ALG6: variants seen among roughly 807,000 people sequenced by gnomAD.
ALG6 encodes the protein ALG6 alpha-1,3-glucosyltransferase.
A neutral mutation model predicts 66.6 loss-of-function variants in ALG6; 46 were observed. That is an observed-to-expected ratio of 0.69 (90% confidence interval 0.55 to 0.88). ALG6 has a LOEUF of 0.88. Among genes scored for constraint, ALG6 ranks in the 40% least tolerant of loss-of-function variants. ALG6 has a pLI of 0.00. For missense variants in ALG6, 505 were observed against 586.8 expected (o/e 0.86, Z 1.44); for synonymous variants, 185 against 203.7 (o/e 0.91, Z 0.78).
At chr1:63,422,336 GGA>G (rs1390038431) in intron 12 of ALG6, among the ~76,000 whole-genome samples, 2 of 68,322 alleles carry the variant, frequency 2.9e-5, no homozygotes, top group African/African-American at 1.3e-4. Flanking sequence ...TATATCTATA[GGA>G]ATATAAATAT....
chr1:63,372,734 A>G (rs1402558008), intron 2 of ALG6, among the ~76,000 whole-genome samples: 2 of 152,084 alleles, frequency 1.3e-5, no homozygotes, highest in Non-Finnish European at 2.9e-5. Context: ...ATCTTGGCTC[A>G]CTGTAATCTC....
intron 2 of ALG6, among the ~76,000 whole-genome samples, chr1:63,384,762 C>T (rs1474238134): frequency 6.6e-6 from 1 of 152,080 alleles, no homozygotes; most frequent in Non-Finnish European, 1.5e-5. Context: ...GTTCTTGGCA[C>T]CTTTGTCAAA....
At chr1:63,395,090 T>A (rs1648780084) in intron 2 of ALG6, among the ~76,000 whole-genome samples, 1 of 151,942 alleles carries the variant, frequency 6.6e-6, no homozygotes, top group Non-Finnish European at 1.5e-5. Context: ...GGTCTTGAAC[T>A]CCTGACCTCG....
chr1:63,398,942 C>G (rs1015857709), intron 3 of ALG6, among the ~76,000 whole-genome samples: 2 of 152,140 alleles, frequency 1.3e-5, no homozygotes, highest in African/African-American at 4.8e-5. Flanking sequence ...CATTTATTAT[C>G]ACAGTTTCTT....
In ALG6 at chr1:63,436,475, C is replaced by A. The variant is rs900631429; in HGVS notation, c.1327-348C>A. Among the ~76,000 whole-genome samples the A allele has an allele frequency of 2.0e-5, 3 of 152,202 alleles. No homozygotes were observed. The South Asian group carries it at 6.2e-4, about 32-fold the overall frequency. On this transcript the variant is annotated intron_variant, in intron 14 of 14. Coordinates refer to ENST00000263440, the MANE Select transcript of ALG6 (RefSeq NM_013339.4). ...ACCCCAGGGGATGTTATAAATTTAA[C>A]CCTGACTAGCATTAATATTTGTCCC...
intron 2 of ALG6, among the ~76,000 whole-genome samples, chr1:63,380,739 C>G (rs1468535194): frequency 6.6e-6 from 1 of 152,188 alleles, no homozygotes; most frequent in South Asian, 2.1e-4. Context: ...CAATACTTCT[C>G]TATTCCTGTG....
At chr1:63,389,080 A>G (rs1480242467) in intron 2 of ALG6, among the ~76,000 whole-genome samples, 2 of 152,266 alleles carry the variant, frequency 1.3e-5, no homozygotes, top group East Asian at 1.9e-4. Flanking sequence ...TTGGTGTTCT[A>G]TAACCTTCTT....
At chr1:63,390,704 A>G (rs760618137) in intron 2 of ALG6, among the ~76,000 whole-genome samples, 16 of 152,168 alleles carry the variant, frequency 1.1e-4, no homozygotes, top group Non-Finnish European at 2.1e-4. Context: ...CCTTCTGGCT[A>G]GGACTAGCCT....
chr1:63,414,122 C>G lies in ALG6; in HGVS notation c.878C>G (p.Pro293Arg). 1 of 1,611,766 alleles carries G rather than the reference C, an allele frequency of 6.2e-7. No homozygotes were observed. The highest frequency in any genetic ancestry group is 8.5e-7 in the Non-Finnish European group (1 of 1,178,110). ...TTTCTGAAGATTAAGGATATTTTGC[C>G]ACGTCACATCCAATTAATAATGAGG... Reference protein sequence around the residue: ...NVFLKIKDILPRHIQLIMSFC... With the variant: ...NVFLKIKDILRRHIQLIMSFC... Residue 293 changes from proline to arginine, a missense_variant, in exon 10 of 15, where the codon CCA becomes CGA. Coordinates refer to ENST00000263440, the MANE Select transcript of ALG6 (RefSeq NM_013339.4).
At position 63,422,217 on chromosome 1, in the gene ALG6, ATT is replaced by A. The variant is rs1162564807; in HGVS notation, c.1058+2779_1058+2780del. ...TATATCTATATGAATATAAATATAT[ATT>A]TATATAAATATAAATATATATATAA... is the stretch of plus-strand genomic sequence containing the variant. On this transcript the variant is annotated intron_variant, in intron 12 of 14. Coordinates refer to ENST00000263440, the MANE Select transcript of ALG6 (RefSeq NM_013339.4). Among the ~76,000 whole-genome samples, 4 of 110,790 alleles carry A rather than the reference ATT, an allele frequency of 3.6e-5. No homozygotes were observed. The South Asian group carries it at 1.0e-3, about 28-fold the overall frequency. The allele number at this position is 110,790 out of a possible 152,430, so 72.7% of individuals were successfully genotyped here. A position where few individuals can be genotyped will look rare whatever the true frequency, so the allele number is the denominator to read the frequency against.
rs756608021 is a variant in ALG6, at chr1:63,414,083, G to A, written c.839G>A (p.Cys280Tyr). The A allele has an allele frequency of 1.6e-5, 25 of 1,612,352 alleles. No homozygotes were observed. The highest frequency in any genetic ancestry group is 2.0e-5 in the Non-Finnish European group (24 of 1,178,822). Residue 280 changes from cysteine to tyrosine, a missense_variant, in exon 10 of 15, where the codon TGC (cysteine) becomes TAC (tyrosine). By Grantham distance (194) the Cys-to-Tyr change is radical. Coordinates refer to ENST00000263440, the MANE Select transcript of ALG6 (RefSeq NM_013339.4). The part of the protein sequence containing the change: ...LFEDKVANIW[C>Y]SFNVFLKIKD... ...AAGGATAAAGTAGCCAATATTTGGTGCAGCTTCAATGTCTTTCTGAAGATT... is the reference window on the plus strand; with the variant it reads ...AAGGATAAAGTAGCCAATATTTGGTACAGCTTCAATGTCTTTCTGAAGATT...
intron 3 of ALG6, among the ~76,000 whole-genome samples, 173 bp downstream of exon 3, chr1:63,396,770 T>C (rs1005044997): frequency 1.3e-5 from 2 of 152,220 alleles, no homozygotes; most frequent in Non-Finnish European, 2.9e-5. Context: ...AATTTGATAG[T>C]CCTGAAAGTT....
chr1:63,435,687 C>T (rs1644674885), intron 14 of ALG6, among the ~76,000 whole-genome samples: 1 of 152,140 alleles, frequency 6.6e-6, no homozygotes, highest in Non-Finnish European at 1.5e-5. Flanking sequence ...TCTAGAGTCA[C>T]AGTCTGTCCA....
chr1:63,384,939 G>A (rs1648451507), intron 2 of ALG6, among the ~76,000 whole-genome samples: 1 of 151,992 alleles, frequency 6.6e-6, no homozygotes, highest in African/African-American at 2.4e-5. Flanking sequence ...TTTTTGCTTA[G>A]GATAGTTTTG....
intron 2 of ALG6, among the ~76,000 whole-genome samples, chr1:63,394,356 G>T (rs1332658748): frequency 6.6e-6 from 1 of 152,118 alleles, no homozygotes; most frequent in Non-Finnish European, 1.5e-5. Context: ...ACTAAATGGA[G>T]ATAGCTTTAC....
At chr1:63,405,910 AT>A (rs1644487846) in intron 5 of ALG6, among the ~76,000 whole-genome samples, 1 of 151,654 alleles carries the variant, frequency 6.6e-6, no homozygotes, top group South Asian at 2.1e-4. Flanking sequence ...AAAAGTTTAT[AT>A]TTTTTCAATA....
Position 63,428,798 on chromosome 1 carries a change from T to G in ALG6, c.1124T>G (p.Phe375Cys). ...ACTTGGTTTTTACTTGTGTCAACAT[T>G]TAGGTAAGTCATATCAATTTCCATA... Reference protein sequence around the residue: ...MSTWFLLVSTFSMLPLLLKDE... With the variant: ...MSTWFLLVSTCSMLPLLLKDE... The change falls in exon 13 of 15, where the codon TTT (phenylalanine) becomes TGT (cysteine). Residue 375 changes from phenylalanine to cysteine, a missense_variant. Physicochemically the swap from Phe to Cys is radical, Grantham distance 205 (BLOSUM62 -2). Transcript: ENST00000263440. 1 of 1,607,118 alleles carries G rather than the reference T, an allele frequency of 6.2e-7. No homozygotes were observed. Among genetic ancestry groups the G allele is most frequent in the African/African-American group, 1.3e-5 (1 of 74,906 alleles).
intron 7 of ALG6, among the ~76,000 whole-genome samples, chr1:63,408,009 C>CA (rs1207845019): frequency 6.6e-6 from 1 of 151,988 alleles, no homozygotes; most frequent in Non-Finnish European, 1.5e-5. Flanking sequence ...TGTTATCTAC[C>CA]AGAGTTTTAA....
chr1:63,426,552 G>GT (rs1644616325), intron 12 of ALG6, among the ~76,000 whole-genome samples: 1 of 152,116 alleles, frequency 6.6e-6, no homozygotes, highest in Admixed American at 6.5e-5. Context: ...TATGTAGTAA[G>GT]TTTTTTTAAG....
Sources: gnomAD v4.1 joint callset for allele counts (sites outside exome capture counted in the v4.1 genomes callset) on GRCh38, gnomAD v4.1.1 for gene constraint, MANE v1.5 for transcripts, NCBI Gene and HGNC (gene_info 2026-07-23, HGNC 2026-07-21) for gene names.